Variants in RARB observed in about 807,000 individuals in gnomAD.
The protein encoded by RARB is HBV-activated protein.
A neutral mutation model predicts 51.9 loss-of-function variants in RARB; 17 were observed. The observed-to-expected ratio is 0.33, with a 90% CI of 0.22 to 0.49. RARB has a LOEUF of 0.49. Ranked by LOEUF, RARB falls within the 20% of genes least tolerant of loss-of-function variation. The probability of loss-of-function intolerance (pLI) is 0.99; values close to 1 mark genes in which losing one functional copy is unlikely to be tolerated. For synonymous variants in RARB, 215 were observed against 195.4 expected, an observed-to-expected ratio of 1.10 and a Z score of -0.84; for missense variants, 369 against 550.8, an observed-to-expected ratio of 0.67 and a Z score of 3.30.
intron 4 of RARB, among the ~76,000 whole-genome samples, chr3:25,161,048 C>T (rs180929763): frequency 5.9e-5 from 9 of 151,960 alleles, no homozygotes; most frequent in East Asian, 3.9e-4. Context: ...AGTCTTGCTC[C>T]GTCGCCCAGG....
chr3:24,893,013 G>A (rs1240738207), intron 2 of RARB, among the ~76,000 whole-genome samples: 1 of 152,206 alleles, frequency 6.6e-6, no homozygotes, highest in African/African-American at 2.4e-5. Flanking sequence ...AGAATTCTGT[G>A]TGTTTCCTGT....
At chr3:25,133,953 C>T (rs1279961769) in intron 4 of RARB, among the ~76,000 whole-genome samples, 2 of 137,016 alleles carry the variant, frequency 1.5e-5, no homozygotes, top group East Asian at 2.1e-4. Context: ...CTGGAGAGTA[C>T]TGTTTTCATT....
intron 1 of RARB, among the ~76,000 whole-genome samples, chr3:24,854,873 G>A (rs1404647708): frequency 3.9e-5 from 6 of 152,176 alleles, no homozygotes; most frequent in Non-Finnish European, 5.9e-5. Context: ...TGCTCAAAAC[G>A]ATCTGCTGAC....
intron 2 of RARB, among the ~76,000 whole-genome samples, chr3:25,016,550 C>G (rs147558642): frequency 3.7e-4 from 57 of 152,260 alleles, no homozygotes; most frequent in African/African-American, 1.3e-3. Flanking sequence ...TTGGAACATT[C>G]ACAGATGTCA....
intron 2 of RARB, among the ~76,000 whole-genome samples, chr3:25,042,678 T>C (rs1013026154): frequency 6.6e-6 from 1 of 152,242 alleles, no homozygotes; most frequent in African/African-American, 2.4e-5. Context: ...AACACACTTA[T>C]AACGATGTAA....
chr3:25,453,577 C>T (rs565106796), intron 1 of RARB, among the ~76,000 whole-genome samples: 1 of 152,206 alleles, frequency 6.6e-6, no homozygotes, highest in Admixed American at 6.5e-5. Flanking sequence ...CCAGGTGATG[C>T]TGATGCTGCT....
chr3:25,254,924 G>C (rs1343158098), intron 5 of RARB, among the ~76,000 whole-genome samples: 3 of 152,172 alleles, frequency 2.0e-5, no homozygotes, highest in East Asian at 1.9e-4. Flanking sequence ...CAGCCAACTG[G>C]TTTTTCCTTC....
chr3:25,331,137 A>T (rs1006921955), intron 5 of RARB, among the ~76,000 whole-genome samples: 5 of 152,196 alleles, frequency 3.3e-5, no homozygotes, highest in African/African-American at 1.2e-4. Context: ...GTTAACAAGG[A>T]TATCCAGGAA....
At chr3:25,271,747 C>T (rs1379768371) in intron 5 of RARB, among the ~76,000 whole-genome samples, 1 of 152,262 alleles carries the variant, frequency 6.6e-6, no homozygotes, top group Admixed American at 6.5e-5. Flanking sequence ...AAACCAAATA[C>T]ACTAAAGCAC....
intron 4 of RARB, among the ~76,000 whole-genome samples, chr3:25,576,877 C>G (rs1730220): frequency 0.4 from 60,706 of 151,816 alleles, 12,529 homozygotes; most frequent in African/African-American, 0.51. Context: ...CTTCTCCTCT[C>G]TTCTCTTCTG....
At chr3:25,422,298 C>T (rs1267949063) in intron 5 of RARB, among the ~76,000 whole-genome samples, 2 of 152,212 alleles carry the variant, frequency 1.3e-5, no homozygotes, top group Non-Finnish European at 2.9e-5. Context: ...AAGAGTCTAG[C>T]TGTTCTTCTA....
chr3:25,094,034 C>A (rs1437088285), intron 3 of RARB, among the ~76,000 whole-genome samples: 1 of 152,158 alleles, frequency 6.6e-6, no homozygotes, highest in Non-Finnish European at 1.5e-5. Flanking sequence ...GCCTGAGGAG[C>A]AAACTAGCTT....
At chr3:25,425,608 C>A (rs1242097793), upstream of RARB, among the ~76,000 whole-genome samples, 1 of 152,116 alleles carries the variant, frequency 6.6e-6, no homozygotes, top group Non-Finnish European at 1.5e-5. Context: ...CAGTTGAGAA[C>A]TTCAAGGTAA....
intron 2 of RARB, among the ~76,000 whole-genome samples, chr3:25,052,033 C>A (rs1364350757): frequency 6.6e-6 from 1 of 152,134 alleles, no homozygotes; most frequent in East Asian, 1.9e-4. Flanking sequence ...GGGACCCAGG[C>A]TAATGGAGGC....
At chr3:25,440,142 C>T (rs1461353563) in intron 1 of RARB, among the ~76,000 whole-genome samples, 2 of 152,160 alleles carry the variant, frequency 1.3e-5, no homozygotes, top group Non-Finnish European at 2.9e-5. Flanking sequence ...TACATATATA[C>T]ATAGTTGTCA....
intron 5 of RARB, among the ~76,000 whole-genome samples, chr3:25,375,734 G>T (rs1469907409): frequency 6.6e-6 from 1 of 152,138 alleles, no homozygotes; most frequent in African/African-American, 2.4e-5. Context: ...TTCTCTGATT[G>T]TGTATAAACA....
intron 5 of RARB, among the ~76,000 whole-genome samples, chr3:25,331,242 G>A (rs932003350): frequency 5.9e-5 from 9 of 152,026 alleles, no homozygotes; most frequent in Non-Finnish European, 1.2e-4. Context: ...GCACCACATC[G>A]CACTTATTCC....
chr3:25,406,689 T>C (rs1707418226), intron 5 of RARB, among the ~76,000 whole-genome samples: 1 of 152,220 alleles, frequency 6.6e-6, no homozygotes, highest in South Asian at 2.1e-4. Flanking sequence ...GACTTCAGCA[T>C]ATAAATTTTA....
At chr3:25,189,447 TCCCCTAGGAGCAGGGG>T (rs1037617942) in intron 5 of RARB, among the ~76,000 whole-genome samples, 14 of 152,000 alleles carry the variant, frequency 9.2e-5, no homozygotes, top group African/African-American at 3.1e-4. Flanking sequence ...GGCCCAACCC[TCCCCTAGGAGCAGGGG>T]CCCCAGCAGT....
Sources: gnomAD v4.1 joint callset for allele counts (sites outside exome capture counted in the v4.1 genomes callset) on GRCh38, gnomAD v4.1.1 for gene constraint, MANE v1.5 for transcripts, NCBI Gene and HGNC (gene_info 2026-07-23, HGNC 2026-07-21) for gene names.